The following B4GALT4 variants were observed in gnomAD, a reference collection of about 807,000 sequenced individuals.
B4GALT4 encodes the protein beta-1,4-galactosyltransferase 4.
Under a neutral mutation model 37.3 loss-of-function variants are expected in B4GALT4, and 27 were observed. The observed-to-expected ratio is 0.72, with a 90% confidence interval of 0.53 to 1.00. B4GALT4 has a LOEUF of 1.00. Among genes scored for constraint, B4GALT4 ranks in the 50% least tolerant of loss-of-function variants. B4GALT4 has a pLI of 0.00. For synonymous variants in B4GALT4, 148 were observed against 154.1 expected, an observed-to-expected ratio of 0.96 and a Z score of 0.29; for missense variants, 372 against 413.1, an observed-to-expected ratio of 0.90 and a Z score of 0.86.
At chr3:119,212,884 C>A in intron 7 of B4GALT4, 1 of 516,600 alleles carries the variant, frequency 1.9e-6, no homozygotes, top group South Asian at 2.8e-5. Flanking sequence ...ACGTGAGAAC[C>A]CGGGGACCCA....
intron 1 of B4GALT4, among the ~76,000 whole-genome samples, chr3:119,237,894 T>C (rs973738441): frequency 3.9e-5 from 6 of 152,210 alleles, no homozygotes; most frequent in African/African-American, 1.4e-4. Context: ...ATGGGACATA[T>C]GCTTTCATTA....
intron 3 of B4GALT4, among the ~76,000 whole-genome samples, 159 bp from the exon 4 acceptor site, chr3:119,227,200 G>C (rs2078648224): frequency 6.6e-6 from 1 of 152,224 alleles, no homozygotes; most frequent in Non-Finnish European, 1.5e-5. Context: ...ATTTAGTCAT[G>C]ATAATGGCCA....
intron 6 of B4GALT4, among the ~76,000 whole-genome samples, chr3:119,216,626 A>T (rs1050356796): frequency 3.3e-5 from 5 of 152,204 alleles, no homozygotes; most frequent in Admixed American, 1.3e-4. Flanking sequence ...GTTAGTTTAT[A>T]CTTAGTCATT....
chr3:119,233,617 A>G lies in B4GALT4; in HGVS notation c.-146+3236T>C, dbSNP rs757796728. On this transcript the variant is annotated intron_variant, in intron 2 of 7. Transcript: ENST00000393765. ...TGAGGGATGACTGTAATTTAAAAAA[A>G]CAAAAACAAAAAAACCTATCCAAGA... 6.6e-5 allele frequency among the ~76,000 whole-genome samples: 10 copies of G among 152,330 alleles called. 1 individual carries two copies. The highest frequency in any genetic ancestry group is 6.8e-3 in the Middle Eastern group (2 of 294).
intron 7 of B4GALT4, chr3:119,215,243 A>G (rs1012600930): frequency 6.6e-6 from 1 of 152,252 alleles, no homozygotes; most frequent in Non-Finnish European, 1.5e-5. Context: ...GCTAAAATAA[A>G]GCAGGCAGAA....
At chr3:119,215,746 G>A (rs1255945113) in intron 7 of B4GALT4, 1 of 152,132 alleles carries the variant, frequency 6.6e-6, no homozygotes, top group Non-Finnish European at 1.5e-5. Flanking sequence ...ATAAAGAAAG[G>A]GAGAGGGAAC....
intron 1 of B4GALT4, among the ~76,000 whole-genome samples, chr3:119,238,785 G>A (rs968437118): frequency 3.9e-5 from 6 of 152,118 alleles, no homozygotes; most frequent in Non-Finnish European, 5.9e-5. Context: ...GAGGACGACT[G>A]TACATTAAAA....
intron 4 of B4GALT4, among the ~76,000 whole-genome samples, chr3:119,225,819 C>A (rs1216224392): frequency 6.6e-6 from 1 of 152,140 alleles, no homozygotes; most frequent in Non-Finnish European, 1.5e-5. Flanking sequence ...TGACCAACAA[C>A]CTTAAAAACA....
Position 119,212,557 on chromosome 3 carries a change from CA to C in B4GALT4, c.1026del (p.Phe342LeufsTer15). The C allele has an allele frequency of 6.3e-7, 1 of 1,597,394 alleles. No homozygotes were observed. On this transcript the variant is annotated frameshift_variant, in exon 8 of 8. Coordinates refer to ENST00000393765, the MANE Select transcript of B4GALT4 (RefSeq NM_003778.4). LOFTEE classifies it high-confidence loss of function. Reference sequence around the variant, plus strand: ...CACCAAAAGACCCAGGGTCATGCACCAAACCAGAAATCCACTGTGATGTTGA... The same window carrying C: ...CACCAAAAGACCCAGGGTCATGCACCAACCAGAAATCCACTGTGATGTTGA... ...LYINITVDFW[F>X]GA
At chr3:119,228,453 T>C (rs2078695861) in intron 3 of B4GALT4, among the ~76,000 whole-genome samples, 1 of 152,212 alleles carries the variant, frequency 6.6e-6, no homozygotes, top group African/African-American at 2.4e-5. Context: ...AATGCATCAC[T>C]GTCCCTCTAT....
intron 5 of B4GALT4, 80 bp from the exon 6 acceptor site, chr3:119,218,852 A>G: frequency 5.9e-6 from 9 of 1,530,262 alleles, no homozygotes; most frequent in Non-Finnish European, 8.0e-6. Flanking sequence ...TTCTAGGAAC[A>G]CCTGGGAGAC....
Position 119,212,503 on chromosome 3 carries a change from GCAAA to G in B4GALT4, c.*42_*45del. The G allele has an allele frequency of 6.5e-7, 1 of 1,540,186 alleles. No individual in the cohort carries two copies. The highest frequency in any genetic ancestry group is 8.7e-7 in the Non-Finnish European group (1 of 1,145,990). On this transcript the variant is annotated 3_prime_UTR_variant, in exon 8 of 8. Coordinates refer to ENST00000393765, the MANE Select transcript of B4GALT4 (RefSeq NM_003778.4). Reference sequence around the variant, plus strand: ...TTGAAGTCTCTAGGCCAAAATTATTGCAAACAAAGAATCAGTTCTTCCAAACATC... The same window carrying G: ...TTGAAGTCTCTAGGCCAAAATTATTGCAAAGAATCAGTTCTTCCAAACATC...
chr3:119,222,599 A>G (rs2078482509), intron 5 of B4GALT4, among the ~76,000 whole-genome samples: 1 of 152,192 alleles, frequency 6.6e-6, no homozygotes, highest in Admixed American at 6.5e-5. Flanking sequence ...ACTCCATATC[A>G]GACTAAAGAA....
At chr3:119,216,416 T>G in intron 6 of B4GALT4, 72 bp from the exon 7 acceptor site, 2 of 1,126,164 alleles carry the variant, frequency 1.8e-6, no homozygotes, top group East Asian at 2.5e-5. Flanking sequence ...AAAGCATCAT[T>G]TGCGAAAATT....
At position 119,212,047 on chromosome 3, in the gene B4GALT4, C is replaced by T. The variant is rs2078174924; in HGVS notation, c.*502G>A. 2 of 667,730 alleles carry T rather than the reference C, an allele frequency of 3.0e-6. No homozygotes were observed. Among genetic ancestry groups the T allele is most frequent in the South Asian group, 1.6e-5 (1 of 61,984 alleles). 41.4% of individuals were successfully genotyped at this position (667,730 alleles called of 1,614,324 possible). On this transcript the variant is annotated 3_prime_UTR_variant, in exon 8 of 8. Coordinates refer to ENST00000393765, the MANE Select transcript of B4GALT4 (RefSeq NM_003778.4). ...GTGTCCTGATTCGTCGCCTTTTCTC[C>T]CCTCTTTTGTGGACGCCTTCTCACC...
At chr3:119,228,528 C>T (rs2078698759) in intron 3 of B4GALT4, among the ~76,000 whole-genome samples, 1 of 152,182 alleles carries the variant, frequency 6.6e-6, no homozygotes, top group Non-Finnish European at 1.5e-5. Context: ...AATAATCAGC[C>T]AGTAAAATTT....
intron 7 of B4GALT4, 105 bp downstream of exon 7, chr3:119,216,135 T>C (rs2078283114): frequency 1.1e-6 from 1 of 927,142 alleles, no homozygotes; most frequent in African/African-American, 1.7e-5. Flanking sequence ...AATAAAAATC[T>C]TTTAACACAA....
intron 4 of B4GALT4, chr3:119,226,488 G>T (rs561383361): frequency 2.9e-6 from 1 of 346,212 alleles, no homozygotes; most frequent in Non-Finnish European, 5.4e-6. Context: ...TGCATGGCAC[G>T]CACAGAAAGA....
chr3:119,226,896 T>G lies in B4GALT4; in HGVS notation c.399A>C (p.Arg133Ser). 1 of 1,614,158 alleles carries G rather than the reference T, an allele frequency of 6.2e-7. No individual in the cohort carries two copies. Among genetic ancestry groups the G allele is most frequent in the Non-Finnish European group, 8.5e-7 (1 of 1,180,030 alleles). The change falls in exon 4 of 8, where the codon AGA becomes AGC. Residue 133 changes from arginine (R) to serine (S), a missense_variant. By Grantham distance (110) the Arg-to-Ser change is moderately radical. Coordinates refer to ENST00000393765, the MANE Select transcript of B4GALT4 (RefSeq NM_003778.4). Reference protein sequence around the residue: ...RVAILVPHRNREKHLMYLLEH... With the variant: ...RVAILVPHRNSEKHLMYLLEH... ...CCAGCAGGTACATCAGGTGTTTCTC[T>G]CTGTTCCGGTGGGGAACGAGGATGG...
Sources: allele counts gnomAD v4.1 joint callset (sites outside exome capture counted in the v4.1 genomes callset), GRCh38; gene constraint gnomAD v4.1.1; transcripts MANE v1.5; gene names NCBI Gene and HGNC (gene_info 2026-07-23, HGNC 2026-07-21).